Variants in GLIS2 observed in about 807,000 individuals in gnomAD.
GLIS2 encodes the protein GLIS family zinc finger 2.
Under a neutral mutation model 35.6 loss-of-function variants are expected in GLIS2, and 14 were observed. That is an observed-to-expected ratio of 0.39 (90% CI 0.26 to 0.61). GLIS2 has a LOEUF of 0.61. GLIS2 is among the 20% of genes least tolerant of loss of function. GLIS2 has a pLI of 0.48. For synonymous variants in GLIS2, 368 were observed against 325.1 expected, an observed-to-expected ratio of 1.13 and a Z score of -1.42; for missense variants, 675 against 713.4, an observed-to-expected ratio of 0.95 and a Z score of 0.61.
Position 4,337,216 on chromosome 16 carries a change from GC to G in GLIS2, c.1268del (p.Ala423ValfsTer101), listed in dbSNP as rs2053564316. 6.5e-7 allele frequency: 1 copy of G among 1,547,458 alleles called. No individual in the cohort carries two copies. On this transcript the variant is annotated frameshift_variant, in exon 7 of 7. Coordinates refer to ENST00000433375, the MANE Select transcript of GLIS2 (RefSeq NM_032575.3). LOFTEE classifies it high-confidence loss of function. The part of the protein sequence containing the change: ...KNPLLPSPFG[A>X]GGLGLPVVSL... ...CCCGCTGCTGCCCTCGCCCTTTGGGGCTGGCGGACTGGGCTTGCCTGTGGTC... is the reference window on the plus strand; with the variant it reads ...CCCGCTGCTGCCCTCGCCCTTTGGGGTGGCGGACTGGGCTTGCCTGTGGTC...
upstream of GLIS2, among the ~76,000 whole-genome samples, chr16:4,315,913 C>A (rs1314867350): frequency 1.3e-5 from 2 of 148,848 alleles, no homozygotes; most frequent in Admixed American, 1.3e-4. Flanking sequence ...AGGGAGCGAG[C>A]GAGCGAGGGG....
At chr16:4,315,456 G>A (rs887990182), upstream of GLIS2, 11 of 152,184 alleles carry the variant, frequency 7.2e-5, no homozygotes, top group Non-Finnish European at 1.2e-4. Context: ...CCTGGCCAAG[G>A]TGACCCCGCG....
intron 1 of GLIS2, among the ~76,000 whole-genome samples, 47 bp downstream of exon 1, chr16:4,316,301 G>T (rs1475370751): frequency 6.9e-5 from 7 of 101,518 alleles, no homozygotes; most frequent in Non-Finnish European, 1.3e-4. Context: ...GGCCGGGGCG[G>T]GGGGGGGGGG....
rs1358513482 is a variant in GLIS2 at position 4,316,078 on chromosome 16, C to T, written c.-243C>T. On this transcript the variant is annotated 5_prime_UTR_variant, in exon 1 of 7. Coordinates refer to ENST00000433375, the MANE Select transcript of GLIS2 (RefSeq NM_032575.3). ...CGGCCGCCGCGGCCACCTTCCCTGCCCGAGCTGCAGATGTGGCGGAGCGGC... is the reference window on the plus strand; with the variant it reads ...CGGCCGCCGCGGCCACCTTCCCTGCTCGAGCTGCAGATGTGGCGGAGCGGC... 6.9e-6 allele frequency among the ~76,000 whole-genome samples: 1 copy of T among 145,156 alleles called. No homozygotes were observed. Among genetic ancestry groups the T allele is most frequent in the African/African-American group, 2.5e-5 (1 of 39,864 alleles).
intron 1 of GLIS2, chr16:4,331,639 T>C (rs1420989092): frequency 6.3e-6 from 1 of 158,236 alleles, no homozygotes; most frequent in East Asian, 1.8e-4. Context: ...TCTGAGGCGA[T>C]GCCTGTAAAA....
chr16:4,332,223 G>T lies in GLIS2; in HGVS notation c.-58G>T. 6.3e-7 allele frequency: 1 copy of T among 1,588,600 alleles called. No individual in the cohort carries two copies. The highest frequency in any genetic ancestry group is 2.3e-5 in the East Asian group (1 of 43,768). ...CTCCTGTCCTTCCCCAGGTTCCTGC[G>T]TGAAGACCAGCTGGGAGCCCACTGC... is the stretch of plus-strand genomic sequence containing the variant. On this transcript the variant is annotated 5_prime_UTR_variant, in exon 2 of 7. Coordinates refer to ENST00000433375, the MANE Select transcript of GLIS2 (RefSeq NM_032575.3). This position sits in a 1 kb window ranked among gnomAD's most constrained non-coding sequence, Gnocchi z 5.4.
At chr16:4,321,356 C>T (rs1398931556) in intron 1 of GLIS2, among the ~76,000 whole-genome samples, 1 of 152,236 alleles carries the variant, frequency 6.6e-6, no homozygotes, top group Non-Finnish European at 1.5e-5. Flanking sequence ...TTGGGCAAGT[C>T]ACATTCCTCT....
Position 4,336,958 on chromosome 16 carries a change from C to A in GLIS2, c.1009C>A (p.Pro337Thr). The change falls in exon 7 of 7, where the codon CCG (proline) becomes ACG (threonine). Residue 337 changes from proline (P) to threonine (T), a missense_variant. Pro to Thr is a conservative substitution (Grantham distance 38). Coordinates refer to ENST00000433375, the MANE Select transcript of GLIS2 (RefSeq NM_032575.3). Reference protein sequence around the residue: ...ELLQLRPPPKPPLPAPDGGPY... With the variant: ...ELLQLRPPPKTPLPAPDGGPY... Reference sequence around the variant, plus strand: ...CCTGCAGCTGCGCCCACCCCCCAAGCCGCCACTGCCCGCCCCCGACGGCGG... The same window carrying A: ...CCTGCAGCTGCGCCCACCCCCCAAGACGCCACTGCCCGCCCCCGACGGCGG... 1 of 1,610,872 alleles carries A rather than the reference C, an allele frequency of 6.2e-7. No homozygotes were observed. Among genetic ancestry groups the A allele is most frequent in the Non-Finnish European group, 8.5e-7 (1 of 1,179,352 alleles).
chr16:4,321,016 T>A (rs190576258), intron 1 of GLIS2, among the ~76,000 whole-genome samples: 4 of 152,294 alleles, frequency 2.6e-5, no homozygotes, highest in Admixed American at 2.6e-4. Flanking sequence ...TTGGAGGCTG[T>A]CCCCGGCTTC....
At chr16:4,319,589 C>T (rs1033518714) in intron 1 of GLIS2, among the ~76,000 whole-genome samples, 1 of 152,214 alleles carries the variant, frequency 6.6e-6, no homozygotes, top group Non-Finnish European at 1.5e-5. Context: ...ATCTGCCTCT[C>T]AGTGGTTTCT....
chr16:4,323,040 G>A (rs992722783), intron 1 of GLIS2, among the ~76,000 whole-genome samples: 2 of 152,256 alleles, frequency 1.3e-5, no homozygotes, highest in African/African-American at 4.8e-5. Context: ...TGTCCTGTGT[G>A]TGCCACATTT....
intron 1 of GLIS2, among the ~76,000 whole-genome samples, chr16:4,322,071 T>G: frequency 6.7e-6 from 1 of 148,916 alleles, no homozygotes; most frequent in Non-Finnish European, 1.5e-5. Context: ...GGATGGTGGC[T>G]GGAGGAAAGA....
At chr16:4,328,204 C>G (rs2053458845) in intron 1 of GLIS2, 1 of 152,298 alleles carries the variant, frequency 6.6e-6, no homozygotes, top group Non-Finnish European at 1.5e-5. Flanking sequence ...TGTCCAGAGC[C>G]AGGCTGTCGG....
At chr16:4,330,005 G>C (rs2053481724) in intron 1 of GLIS2, among the ~76,000 whole-genome samples, 1 of 152,158 alleles carries the variant, frequency 6.6e-6, no homozygotes, top group South Asian at 2.1e-4. Context: ...GGTGGGGCGA[G>C]GTGGCTCACA....
chr16:4,328,895 C>T (rs1033409941), intron 1 of GLIS2, among the ~76,000 whole-genome samples: 1 of 151,710 alleles, frequency 6.6e-6, no homozygotes, highest in African/African-American at 2.4e-5. Flanking sequence ...GCTTGGGCAG[C>T]GCTGCCAGTG....
In GLIS2 at chr16:4,338,002, C is replaced by T. The variant is rs913889241; in HGVS notation, c.*478C>T. 4.8e-5 allele frequency: 11 copies of T among 230,990 alleles called. No individual in the cohort carries two copies. The highest frequency in any genetic ancestry group is 2.5e-4 in the African/African-American group (11 of 43,640). 14.3% of individuals were successfully genotyped at this position (230,990 alleles called of 1,614,324 possible). On this transcript the variant is annotated 3_prime_UTR_variant, in exon 7 of 7. Transcript: ENST00000433375. The stretch of plus-strand genomic sequence containing the variant: ...CCCTTCCCTCCTAGGCTTACCCAGC[C>T]CCTGCCCTGGGGGCTCCTTGGACCC...
At chr16:4,325,905 G>C (rs1251153852) in intron 1 of GLIS2, among the ~76,000 whole-genome samples, 2 of 134,740 alleles carry the variant, frequency 1.5e-5, no homozygotes, top group African/African-American at 5.7e-5. Flanking sequence ...TCCAGCCTGG[G>C]AGACAGAGCA....
intron 1 of GLIS2, among the ~76,000 whole-genome samples, chr16:4,330,737 C>T (rs914324848): frequency 7.9e-5 from 12 of 152,260 alleles, no homozygotes; most frequent in Non-Finnish European, 1.2e-4. Flanking sequence ...TGTTAGGACA[C>T]GGCTAGCCAG....
Position 4,337,024 on chromosome 16 carries a change from G to T in GLIS2, c.1075G>T (p.Ala359Ser), listed in dbSNP as rs1291724620. 7 of 1,600,152 alleles carry T rather than the reference G, an allele frequency of 4.4e-6. No individual in the cohort carries two copies. The Admixed American group carries it at 1.0e-4, about 23-fold the overall frequency. ...GGCCCAGATCATCATCCCCAACCCAGCTGCCCTCTTTGGAGGCCCTGGCCT... is the reference window on the plus strand; with the variant it reads ...GGCCCAGATCATCATCCCCAACCCATCTGCCCTCTTTGGAGGCCCTGGCCT... ...SGAQIIIPNP[A>S]ALFGGPGLPG... Residue 359 changes from alanine to serine, a missense_variant, in exon 7 of 7, where the codon GCT (alanine) becomes TCT (serine). Physicochemically the swap from Ala to Ser is moderately conservative, Grantham distance 99. This residue lies in a region of GLIS2 where 317 missense variants were observed against 283.2 expected (regional missense o/e 1.12). Coordinates refer to ENST00000433375, the MANE Select transcript of GLIS2 (RefSeq NM_032575.3).
Sources: gnomAD v4.1 joint callset for allele counts (sites outside exome capture counted in the v4.1 genomes callset) on GRCh38, gnomAD v4.1.1 for gene constraint, gnomAD v4.1.1 regional missense constraint, Gnocchi (gnomAD v3.1) non-coding constraint, MANE v1.5 for transcripts, NCBI Gene and HGNC (gene_info 2026-07-23, HGNC 2026-07-21) for gene names.